The following ROBO2 variants were observed in gnomAD, a reference collection of about 807,000 sequenced individuals.
The protein encoded by ROBO2 is roundabout homolog 2.
ROBO2 carries 53 observed loss-of-function variants against 160.8 expected under a neutral mutation model. The observed-to-expected ratio is 0.33, with a 90% confidence interval of 0.26 to 0.41. The LOEUF (loss-of-function observed/expected upper bound fraction) is 0.41. Among genes scored for constraint, ROBO2 ranks in the 10% least tolerant of loss-of-function variants. ROBO2 has a pLI of 1.00. For missense variants in ROBO2, 1,577 were observed against 1,722.4 expected, an observed-to-expected ratio of 0.92 and a Z score of 1.49; for synonymous variants, 664 against 611.7, an observed-to-expected ratio of 1.09 and a Z score of -1.26.
intron 2 of ROBO2, among the ~76,000 whole-genome samples, chr3:76,330,446 C>T (rs1439832375): frequency 6.6e-6 from 1 of 152,072 alleles, no homozygotes; most frequent in Non-Finnish European, 1.5e-5. Context: ...TTTTGCTCTT[C>T]TTGCAGTGTT....
At chr3:76,511,067 T>C (rs1188703923) in intron 2 of ROBO2, among the ~76,000 whole-genome samples, 1 of 152,166 alleles carries the variant, frequency 6.6e-6, no homozygotes, top group Middle Eastern at 3.2e-3. Context: ...AATCTGACAC[T>C]AGAACAAGTC....
At chr3:77,160,598 AAC>A (rs2150607709) in intron 2 of ROBO2, among the ~76,000 whole-genome samples, 1 of 152,304 alleles carries the variant, frequency 6.6e-6, no homozygotes, top group East Asian at 1.9e-4. Context: ...CTGTTCTATA[AAC>A]TGATATATGT....
chr3:76,568,326 C>T (rs1301831316), intron 2 of ROBO2, among the ~76,000 whole-genome samples: 2 of 152,008 alleles, frequency 1.3e-5, no homozygotes, highest in African/African-American at 4.8e-5. Flanking sequence ...GAGGCGGAGT[C>T]TCGCTCTGTC....
At chr3:76,002,238 T>C (rs560848746) in intron 2 of ROBO2, among the ~76,000 whole-genome samples, 2 of 152,150 alleles carry the variant, frequency 1.3e-5, no homozygotes, top group East Asian at 3.9e-4. Context: ...AGGAGAAATA[T>C]GGACACAGGG....
intron 2 of ROBO2, among the ~76,000 whole-genome samples, chr3:76,272,801 TA>T (rs1163030855): frequency 1.5e-3 from 72 of 46,750 alleles, no homozygotes; most frequent in South Asian, 2.6e-3. Context: ...TATATATATA[TA>T]AAATATATAA....
At chr3:77,386,417 T>C (rs2074102747) in intron 2 of ROBO2, among the ~76,000 whole-genome samples, 1 of 152,148 alleles carries the variant, frequency 6.6e-6, no homozygotes, top group Non-Finnish European at 1.5e-5. Context: ...ACGTTAGGTA[T>C]AGAATGTAAT....
chr3:76,331,356 T>G (rs1409727444), intron 2 of ROBO2, among the ~76,000 whole-genome samples: 1 of 152,156 alleles, frequency 6.6e-6, no homozygotes, highest in Non-Finnish European at 1.5e-5. Context: ...GAATAACTTA[T>G]TTTTTATATA....
chr3:76,987,422 T>G (rs1014709818), intron 2 of ROBO2, among the ~76,000 whole-genome samples: 2 of 152,024 alleles, frequency 1.3e-5, no homozygotes, highest in Non-Finnish European at 2.9e-5. Context: ...TCCCTTTGAT[T>G]GAAATCTTCA....
intron 2 of ROBO2, among the ~76,000 whole-genome samples, chr3:77,394,107 G>GTACTATAATCACTTTCAAAAA (rs2075024475): frequency 6.6e-6 from 1 of 152,060 alleles, no homozygotes; most frequent in Non-Finnish European, 1.5e-5. Context: ...CAAAAGCAAC[G>GTACTATAATCACTTTCAAAAA]GTGATTATAG....
intron 2 of ROBO2, among the ~76,000 whole-genome samples, chr3:76,638,138 C>T (rs2090439970): frequency 6.6e-6 from 1 of 152,114 alleles, no homozygotes; most frequent in South Asian, 2.1e-4. Flanking sequence ...CAAATGAATC[C>T]TGCCTAAATA....
intron 2 of ROBO2, among the ~76,000 whole-genome samples, chr3:76,786,805 C>T (rs1045954051): frequency 6.6e-6 from 1 of 151,280 alleles, no homozygotes; most frequent in Non-Finnish European, 1.5e-5. Flanking sequence ...CTTAAAAGAG[C>T]TATATAAACT....
intron 2 of ROBO2, among the ~76,000 whole-genome samples, chr3:76,240,288 A>C (rs1576046184): frequency 5.6e-5 from 8 of 143,824 alleles, no homozygotes; most frequent in African/African-American, 1.0e-4. Context: ...CATAACCCCC[A>C]CCCCCCGACA....
intron 2 of ROBO2, among the ~76,000 whole-genome samples, chr3:77,136,844 C>T (rs529165531): frequency 6.6e-6 from 1 of 151,988 alleles, no homozygotes; most frequent in Non-Finnish European, 1.5e-5. Flanking sequence ...ACTGTGTTAG[C>T]CAGGATGGTC....
In ROBO2 at chr3:77,127,316, T is replaced by C. The variant is rs139224730; in HGVS notation, c.388+28976T>C. 5.3e-5 allele frequency among the ~76,000 whole-genome samples: 8 copies of C among 152,302 alleles called. No homozygotes were observed. The East Asian group carries it at 1.5e-3, about 29-fold the overall frequency. On this transcript the variant is annotated intron_variant, in intron 2 of 25. Coordinates refer to ENST00000461745, the Ensembl canonical transcript of ROBO2. ...ATTTGTGGTTTAATCTTGCGCACAG[T>C]TGTCCTTGCCTCTCTCCTGTCTCAG...
At chr3:76,540,222 A>G (rs1166324169) in intron 2 of ROBO2, among the ~76,000 whole-genome samples, 5 of 152,226 alleles carry the variant, frequency 3.3e-5, no homozygotes, top group Non-Finnish European at 7.3e-5. Context: ...TGGCTTGCAG[A>G]CATAGTGACT....
At position 76,016,939 on chromosome 3, in the gene ROBO2, G is replaced by A. The variant is rs374954186; in HGVS notation, c.109+79337G>A. 1.6e-4 allele frequency among the ~76,000 whole-genome samples: 25 copies of A among 152,272 alleles called. No individual in the cohort carries two copies. In the East Asian group the frequency reaches 2.5e-3, roughly 15 times the overall value. On this transcript the variant is annotated intron_variant, in intron 2 of 26. Transcript: ENST00000487694. ...GGATTAAATGAGGCATAGGATAGCAGTGTGTGAGGCACTTTGTATTAGAGC... is the reference window on the plus strand; with the variant it reads ...GGATTAAATGAGGCATAGGATAGCAATGTGTGAGGCACTTTGTATTAGAGC...
intron 2 of ROBO2, among the ~76,000 whole-genome samples, chr3:76,937,921 G>T (rs931260441): frequency 6.6e-6 from 1 of 152,082 alleles, no homozygotes; most frequent in African/African-American, 2.4e-5. Flanking sequence ...ACCGTATCTT[G>T]TTCTGTTTGG....
At chr3:76,338,546 G>A (rs1047484580) in intron 2 of ROBO2, among the ~76,000 whole-genome samples, 1 of 151,876 alleles carries the variant, frequency 6.6e-6, no homozygotes, top group Non-Finnish European at 1.5e-5. Flanking sequence ...AGTGGTGCAT[G>A]CCTGTAGTAC....
At chr3:76,557,431 A>G (rs1223541063) in intron 2 of ROBO2, among the ~76,000 whole-genome samples, 1 of 151,850 alleles carries the variant, frequency 6.6e-6, no homozygotes, top group African/African-American at 2.4e-5. Flanking sequence ...TTCATTCTCG[A>G]TGGGCTCAAT....
Sources: gnomAD v4.1 joint callset for allele counts (sites outside exome capture counted in the v4.1 genomes callset) on GRCh38, gnomAD v4.1.1 for gene constraint, MANE v1.5 for transcripts, NCBI Gene and HGNC (gene_info 2026-07-23, HGNC 2026-07-21) for gene names.